Variants in GPR137B observed in about 807,000 individuals in gnomAD.
The protein encoded by GPR137B is integral membrane protein GPR137B.
Under a neutral mutation model 42.5 loss-of-function variants are expected in GPR137B, and 42 were observed. The ratio of observed to expected loss-of-function variants is 0.99; its 90% CI spans 0.77 to 1.28. GPR137B has a LOEUF of 1.28. GPR137B is among the 50% of genes most tolerant of loss of function. GPR137B has a pLI of 0.00. For synonymous variants in GPR137B, 218 were observed against 209.7 expected, an observed-to-expected ratio of 1.04 and a Z score of -0.34; for missense variants, 487 against 493.9, an observed-to-expected ratio of 0.99 and a Z score of 0.13.
At chr1:236,159,837 G>A (rs1662137499) in intron 1 of GPR137B, among the ~76,000 whole-genome samples, 1 of 152,228 alleles carries the variant, frequency 6.6e-6, no homozygotes, top group Non-Finnish European at 1.5e-5. Context: ...TACCAAGGGG[G>A]CACAAGTCGC....
intron 1 of GPR137B, among the ~76,000 whole-genome samples, chr1:236,166,842 G>A (rs1033549410): frequency 5.9e-5 from 9 of 152,036 alleles, no homozygotes; most frequent in Non-Finnish European, 7.4e-5. Flanking sequence ...AAGAGCTGAG[G>A]CCTCACACTA....
rs1662045983 is a variant in GPR137B at position 236,156,859 on chromosome 1, C to T, written c.415-11847C>T. Among the ~76,000 whole-genome samples, 1 of 152,196 alleles carries T rather than the reference C, an allele frequency of 6.6e-6. No homozygotes were observed. Among genetic ancestry groups the T allele is most frequent in the Non-Finnish European group, 1.5e-5 (1 of 68,038 alleles). On this transcript the variant is annotated intron_variant, in intron 1 of 6. Transcript: ENST00000366592. The surrounding 1 kb of genome is among the most constrained non-coding windows in gnomAD (Gnocchi z 4.8). ...CCAGGAGAGCAAATATCGAATGCGT[C>T]AGTGGTTCTTAACCTTTTTCAGTAT...
chr1:236,170,882 G>A (rs2102905073), intron 2 of GPR137B, among the ~76,000 whole-genome samples: 1 of 151,864 alleles, frequency 6.6e-6, no homozygotes, highest in Admixed American at 6.6e-5. Flanking sequence ...AGGCTGAGTT[G>A]GGAGAATCGC....
intron 2 of GPR137B, among the ~76,000 whole-genome samples, chr1:236,176,757 C>G (rs946212268): frequency 2.0e-5 from 3 of 150,720 alleles, no homozygotes; most frequent in Admixed American, 6.6e-5. Context: ...TTCTTCCCTC[C>G]CTCCCTCTTA....
rs576112040 is a variant in GPR137B at position 236,154,881 on chromosome 1, G to A, written c.414+11845G>A. Among the ~76,000 whole-genome samples the A allele has an allele frequency of 1.4e-4, 21 of 152,326 alleles. No homozygotes were observed. The South Asian group carries it at 3.5e-3, about 26-fold the overall frequency. On this transcript the variant is annotated intron_variant, in intron 1 of 6. Transcript: ENST00000366592. Reference sequence around the variant, plus strand: ...GCCCAGTGGGCCAGCGCTGGCCACCGGGAGAAATGCATCCTCTGTGCTTCT... The same window carrying A: ...GCCCAGTGGGCCAGCGCTGGCCACCAGGAGAAATGCATCCTCTGTGCTTCT...
At position 236,171,114 on chromosome 1, in the gene GPR137B, A is replaced by G. The variant is rs1357603625; in HGVS notation, c.464+2359A>G. Among the ~76,000 whole-genome samples the G allele has an allele frequency of 7.2e-5, 11 of 152,362 alleles. No individual in the cohort carries two copies. Among genetic ancestry groups the G allele is most frequent in the Middle Eastern group, 3.4e-3 (1 of 294 alleles). On this transcript the variant is annotated intron_variant, in intron 2 of 6. Transcript: ENST00000366592. The surrounding 1 kb of genome is among the most constrained non-coding windows in gnomAD (Gnocchi z 4.4). The stretch of plus-strand genomic sequence containing the variant: ...CATATCCTGAAGGCAACTTTATACA[A>G]CATTTTAAATAACTCAGCATAAAAC...
chr1:236,195,522 G>A (rs10924696), intron 5 of GPR137B, among the ~76,000 whole-genome samples: 25,814 of 151,978 alleles, frequency 0.17, 2,553 homozygotes, highest in African/African-American at 0.25. Context: ...TGAACACTTA[G>A]GTTGCTTCCA....
Position 236,208,075 on chromosome 1 carries a change from G to A in GPR137B, c.1117G>A (p.Gly373Arg), listed in dbSNP as rs1056495634. 3 of 1,612,564 alleles carry A rather than the reference G, an allele frequency of 1.9e-6. No individual in the cohort carries two copies. The highest frequency in any genetic ancestry group is 2.7e-5 in the African/African-American group (2 of 74,850). ...TTTTGCTCCAGATTACTATGATTGG[G>A]GACAACAAACTAACAGCTTCCTGGC... ...GGFAPDYYDW[G>R]QQTNSFLAQA... is the part of the protein sequence containing the mutation. The change falls in exon 7 of 7, where the codon GGA becomes AGA. Residue 373 changes from glycine (G) to arginine (R), a missense_variant. Gly to Arg is a moderately radical substitution (Grantham distance 125). Transcript: ENST00000366592.
At chr1:236,149,145 T>C (rs1046618828) in intron 1 of GPR137B, among the ~76,000 whole-genome samples, 1 of 152,176 alleles carries the variant, frequency 6.6e-6, no homozygotes, top group African/African-American at 2.4e-5. Context: ...CCTGCCCTTT[T>C]CCAGCCTACT....
chr1:236,150,145 CTGTT>C lies in GPR137B; in HGVS notation c.414+7113_414+7116del, dbSNP rs1217861235. 1.5e-4 allele frequency among the ~76,000 whole-genome samples: 21 copies of C among 140,764 alleles called. No individual in the cohort carries two copies. The highest frequency in any genetic ancestry group is 9.1e-3 in the Middle Eastern group (2 of 220). 92.3% of individuals were successfully genotyped at this position (140,764 alleles called of 152,430 possible). ...CCTGCGTGTGCCTGTGTGTGTGCCTCTGTTTGTGTCTGTGCATGTGTGTGCCCGT... is the reference window on the plus strand; with the variant it reads ...CCTGCGTGTGCCTGTGTGTGTGCCTCTGTGTCTGTGCATGTGTGTGCCCGT... On this transcript the variant is annotated intron_variant, in intron 1 of 6. Coordinates refer to ENST00000366592, the MANE Select transcript of GPR137B (RefSeq NM_003272.4). This position sits in a 1 kb window ranked among gnomAD's most constrained non-coding sequence, Gnocchi z 6.2.
chr1:236,168,976 T>C (rs10924488), intron 2 of GPR137B, among the ~76,000 whole-genome samples: 5,755 of 152,294 alleles, frequency 0.038, 403 homozygotes, highest in African/African-American at 0.13. Context: ...TGCATCATAC[T>C]TACCCAGTTC....
rs139844344 is a variant in GPR137B at position 236,156,276 on chromosome 1, C to T, written c.415-12430C>T. Among the ~76,000 whole-genome samples, 898 of 152,308 alleles carry T rather than the reference C, an allele frequency of 5.9e-3. 32 individuals carry two copies. Among genetic ancestry groups the T allele is most frequent in the Admixed American group, 0.053 (808 of 15,298 alleles). The stretch of plus-strand genomic sequence containing the variant: ...CCAAAGTCAAAGGTGGGAGGTGATG[C>T]GGTGAACACCTGACCATGTATTCCA... On this transcript the variant is annotated intron_variant, in intron 1 of 6. Coordinates refer to ENST00000366592, the MANE Select transcript of GPR137B (RefSeq NM_003272.4). This position sits in a 1 kb window ranked among gnomAD's most constrained non-coding sequence, Gnocchi z 4.8.
chr1:236,159,760 A>G (rs950305456), intron 1 of GPR137B, among the ~76,000 whole-genome samples: 4 of 152,260 alleles, frequency 2.6e-5, no homozygotes, highest in Admixed American at 2.6e-4. Context: ...CTGTCGAAAC[A>G]AGTACGTCAC....
intron 1 of GPR137B, among the ~76,000 whole-genome samples, chr1:236,165,413 G>A (rs533662571): frequency 4.6e-5 from 7 of 152,188 alleles, no homozygotes; most frequent in South Asian, 2.1e-4. Flanking sequence ...GTAAGGGTTT[G>A]TGAGTTATCC....
At chr1:236,145,169 C>T (rs1458451114) in intron 1 of GPR137B, among the ~76,000 whole-genome samples, 1 of 152,238 alleles carries the variant, frequency 6.6e-6, no homozygotes, top group African/African-American at 2.4e-5. Context: ...AAAGCCATTT[C>T]TGGCTTAGTG....
At chr1:236,152,151 G>GT (rs889893515) in intron 1 of GPR137B, among the ~76,000 whole-genome samples, 25 of 151,304 alleles carry the variant, frequency 1.7e-4, no homozygotes, top group Admixed American at 4.6e-4. Context: ...TTCAACAGGT[G>GT]TTTTTTTTTA....
chr1:236,153,310 C>T (rs947678619), intron 1 of GPR137B, among the ~76,000 whole-genome samples: 1 of 152,150 alleles, frequency 6.6e-6, no homozygotes, highest in African/African-American at 2.4e-5. Context: ...TGGCAGCCAC[C>T]CATCTGCTTT....
At chr1:236,196,371 C>G (rs1572005784) in intron 5 of GPR137B, among the ~76,000 whole-genome samples, 2 of 152,254 alleles carry the variant, frequency 1.3e-5, no homozygotes, top group East Asian at 3.9e-4. Flanking sequence ...AACTCCTGAC[C>G]TCAAGTCATC....
chr1:236,171,607 G>A lies in GPR137B; in HGVS notation c.464+2852G>A, dbSNP rs1311292542. The stretch of plus-strand genomic sequence containing the variant: ...TTCGGGTGAGAAGATATGTGCGTGG[G>A]GCAGTCCTTGCTTGATCCTTGAGCC... On this transcript the variant is annotated intron_variant, in intron 2 of 6. Coordinates refer to ENST00000366592, the MANE Select transcript of GPR137B (RefSeq NM_003272.4). This position sits in a 1 kb window ranked among gnomAD's most constrained non-coding sequence, Gnocchi z 4.4. Among the ~76,000 whole-genome samples, 2 of 152,170 alleles carry A rather than the reference G, an allele frequency of 1.3e-5. No homozygotes were observed. Among genetic ancestry groups the A allele is most frequent in the Non-Finnish European group, 2.9e-5 (2 of 68,040 alleles).
Sources: allele counts gnomAD v4.1 joint callset (sites outside exome capture counted in the v4.1 genomes callset), GRCh38; gene constraint gnomAD v4.1.1; non-coding constraint Gnocchi (gnomAD v3.1); transcripts MANE v1.5; gene names NCBI Gene and HGNC (gene_info 2026-07-23, HGNC 2026-07-21).